The following TMEM177 variants were observed in gnomAD, a reference collection of about 807,000 sequenced individuals.
The protein encoded by TMEM177 is transmembrane protein 177.
TMEM177 carries 4 observed loss-of-function variants against 14.2 expected under a neutral mutation model. The ratio of observed to expected loss-of-function variants is 0.28; its 90% CI spans 0.14 to 0.64. The LOEUF (loss-of-function observed/expected upper bound fraction) is 0.64, where lower values mean the gene tolerates loss of function less well. Among genes scored for constraint, TMEM177 ranks in the 30% least tolerant of loss-of-function variants. The pLI is 0.82. For synonymous variants in TMEM177, 179 were observed against 174.5 expected (o/e 1.03, Z -0.20); for missense variants, 344 against 405.2 (o/e 0.85, Z 1.30).
At chr2:119,690,143 T>G (rs1257801900), downstream of TMEM177, among the ~76,000 whole-genome samples, 1 of 152,040 alleles carries the variant, frequency 6.6e-6, no homozygotes, top group Non-Finnish European at 1.5e-5. Context: ...TGGTGGGAGG[T>G]GATTGGATCG....
chr2:119,713,491 T>C, the TMEM177 span, among the ~76,000 whole-genome samples: 1 of 152,204 alleles, frequency 6.6e-6, no homozygotes, highest in African/African-American at 2.4e-5. Flanking sequence ...CGTATTATAT[T>C]CGTTATATTA....
chr2:119,685,635 A>G (rs150252947), downstream of TMEM177: 11 of 717,374 alleles, frequency 1.5e-5, no homozygotes, highest in East Asian at 3.0e-4. Context: ...GTGGTTGGTA[A>G]TATTATTATT....
chr2:119,717,910 G>A, the TMEM177 span, among the ~76,000 whole-genome samples: 1 of 151,980 alleles, frequency 6.6e-6, no homozygotes, highest in Non-Finnish European at 1.5e-5. Flanking sequence ...ATGAGCCACC[G>A]CACCTGGCCA....
chr2:119,697,827 A>G, the TMEM177 span, among the ~76,000 whole-genome samples: 1 of 152,218 alleles, frequency 6.6e-6, no homozygotes, highest in African/African-American at 2.4e-5. Context: ...TAGACAGATT[A>G]AAGGCATGCA....
At chr2:119,688,246 A>C (rs1225586541), downstream of TMEM177, among the ~76,000 whole-genome samples, 1 of 152,246 alleles carries the variant, frequency 6.6e-6, no homozygotes, top group Non-Finnish European at 1.5e-5. Context: ...GGTAAAACCT[A>C]GGAGGAAATT....
the TMEM177 span, among the ~76,000 whole-genome samples, chr2:119,709,682 G>A: frequency 3.3e-5 from 5 of 152,064 alleles, no homozygotes; most frequent in Admixed American, 6.5e-5. Flanking sequence ...AAAATTAGCC[G>A]GGTGTAGTGG....
chr2:119,720,234 AATGCTGAT>A, the TMEM177 span, among the ~76,000 whole-genome samples: 2 of 152,146 alleles, frequency 1.3e-5, no homozygotes, highest in Non-Finnish European at 2.9e-5. Context: ...GAAAATCAGT[AATGCTGAT>A]TGTCTTTACT....
the TMEM177 span, among the ~76,000 whole-genome samples, chr2:119,693,907 AC>A: frequency 6.6e-6 from 1 of 151,702 alleles, no homozygotes; most frequent in African/African-American, 2.4e-5. Context: ...ACCACACATC[AC>A]ATACACATCA....
chr2:119,688,702 C>A (rs1387100132), downstream of TMEM177, among the ~76,000 whole-genome samples: 1 of 152,202 alleles, frequency 6.6e-6, no homozygotes, highest in Non-Finnish European at 1.5e-5. Context: ...CTCAGAGGTA[C>A]CCTGGACCTC....
chr2:119,693,094 C>G, the TMEM177 span, among the ~76,000 whole-genome samples: 1 of 151,984 alleles, frequency 6.6e-6, no homozygotes, highest in Non-Finnish European at 1.5e-5. Context: ...GCATGGGGAC[C>G]TGTAGCATCC....
Position 119,681,357 on chromosome 2 carries a change from G to A in TMEM177, c.504G>A (p.Val168=). Residue 168 remains valine (V), a synonymous_variant, in exon 2 of 2, where the codon GTG becomes GTA. Transcript: ENST00000272521. ...VVYLESSTTA[V]HALLAPACLA... is the part of the protein sequence containing the mutation. ...ACCTGGAAAGCAGTACCACTGCCGT[G>A]CACGCCCTGCTGGCCCCAGCTTGCC... 1 of 1,614,072 alleles carries A rather than the reference G, an allele frequency of 6.2e-7. No homozygotes were observed. The highest frequency in any genetic ancestry group is 1.7e-5 in the Admixed American group (1 of 60,028).
chr2:119,720,271 T>C, the TMEM177 span, among the ~76,000 whole-genome samples: 1 of 152,222 alleles, frequency 6.6e-6, no homozygotes, highest in East Asian at 1.9e-4. Context: ...TGATATTTTA[T>C]TCCCAACTTT....
the TMEM177 span, among the ~76,000 whole-genome samples, chr2:119,718,245 T>C: frequency 6.6e-6 from 1 of 152,218 alleles, no homozygotes; most frequent in Non-Finnish European, 1.5e-5. Flanking sequence ...CACTGTTCCT[T>C]ACCAAGCTGT....
the TMEM177 span, among the ~76,000 whole-genome samples, chr2:119,694,189 CACA>C: frequency 1.3e-5 from 2 of 151,230 alleles, no homozygotes; most frequent in Non-Finnish European, 2.9e-5. Context: ...ACACACCACA[CACA>C]ACATACCATG....
chr2:119,683,579 C>A (rs1688954389), downstream of TMEM177, among the ~76,000 whole-genome samples: 1 of 152,176 alleles, frequency 6.6e-6, no homozygotes, highest in Admixed American at 6.5e-5. Flanking sequence ...TTCAGGCATT[C>A]CTGCTGATCT....
chr2:119,681,212 A>G lies in TMEM177; in HGVS notation c.359A>G (p.His120Arg). 6.2e-7 allele frequency: 1 copy of G among 1,614,214 alleles called. No homozygotes were observed. The highest frequency in any genetic ancestry group is 8.5e-7 in the Non-Finnish European group (1 of 1,180,024). ...GGAGACCTAGTGATCAACACTAACCATCCCGTGGTCATACATGGGCATACA... is the reference window on the plus strand; with the variant it reads ...GGAGACCTAGTGATCAACACTAACCGTCCCGTGGTCATACATGGGCATACA... ...FLGDLVINTNHPVVIHGHTVD... is the reference protein window; with the variant it reads ...FLGDLVINTNRPVVIHGHTVD... The change falls in exon 2 of 2, where the codon CAT becomes CGT. Residue 120 changes from histidine to arginine, a missense_variant. His to Arg is a conservative substitution (Grantham distance 29). Transcript: ENST00000272521.
At chr2:119,699,238 G>T in the TMEM177 span, 1 of 154,116 alleles carries the variant, frequency 6.5e-6, no homozygotes, top group South Asian at 1.8e-4. Context: ...GAAGGCGAAG[G>T]GGAAGCAAGG....
the TMEM177 span, among the ~76,000 whole-genome samples, chr2:119,716,457 C>T: frequency 6.6e-6 from 1 of 152,134 alleles, no homozygotes; most frequent in African/African-American, 2.4e-5. Flanking sequence ...GATGTGGGTA[C>T]GAGACCAGCT....
downstream of TMEM177, among the ~76,000 whole-genome samples, chr2:119,687,754 A>T (rs756556856): frequency 1.3e-5 from 2 of 152,210 alleles, no homozygotes; most frequent in Non-Finnish European, 2.9e-5. Flanking sequence ...GGAGCAGAGA[A>T]GCAGCTAACC....
Sources: gnomAD v4.1 joint callset for allele counts (sites outside exome capture counted in the v4.1 genomes callset) on GRCh38, gnomAD v4.1.1 for gene constraint, MANE v1.5 for transcripts, NCBI Gene and HGNC (gene_info 2026-07-23, HGNC 2026-07-21) for gene names.